The following SAMD12 variants were observed in gnomAD, a reference collection of about 807,000 sequenced individuals.
SAMD12 encodes the protein sterile alpha motif domain-containing protein 12.
In SAMD12, 9 loss-of-function variants were observed where a neutral mutation model predicts 15.0. The ratio of observed to expected loss-of-function variants is 0.60; its 90% CI spans 0.36 to 1.05. The LOEUF is 1.05. SAMD12 is among the 50% of genes least tolerant of loss of function. SAMD12 has a pLI of 0.01. For missense variants in SAMD12, 230 were observed against 234.2 expected (o/e 0.98, Z 0.12); for synonymous variants, 86 against 90.1 (o/e 0.96, Z 0.25).
chr8:118,259,438 G>A (rs928067122), intron 4 of SAMD12, among the ~76,000 whole-genome samples: 1 of 152,118 alleles, frequency 6.6e-6, no homozygotes, highest in African/African-American at 2.4e-5. Flanking sequence ...GGCTAGGGAT[G>A]CTGCAAGACA....
At chr8:118,413,128 G>A (rs113793411) in intron 3 of SAMD12, among the ~76,000 whole-genome samples, 1,601 of 138,946 alleles carry the variant, frequency 0.012, 8 homozygotes, top group Non-Finnish European at 0.017. Flanking sequence ...ACAGCCAGCT[G>A]CCTCACAGAC....
chr8:118,277,301 C>T lies in SAMD12; in HGVS notation c.434-79569G>A, dbSNP rs139158722. On this transcript the variant is annotated intron_variant, in intron 4 of 4. Coordinates refer to the SAMD12 transcript ENST00000409003. Reference sequence around the variant, plus strand: ...TGCTAGTGCCAGTGTTTGTTATCTCCGTGAAGTAGAGATTTATGGATCCTT... The same window carrying T: ...TGCTAGTGCCAGTGTTTGTTATCTCTGTGAAGTAGAGATTTATGGATCCTT... Among the ~76,000 whole-genome samples the T allele has an allele frequency of 3.7e-3, 569 of 152,184 alleles. 6 individuals carry two copies. The highest frequency in any genetic ancestry group is 0.01 in the African/African-American group (428 of 41,538).
chr8:118,560,004 AGTCATTAT>A (rs1201682693), intron 2 of SAMD12, among the ~76,000 whole-genome samples: 3,751 of 152,250 alleles, frequency 0.025, 152 homozygotes, highest in African/African-American at 0.084. Flanking sequence ...GCTTTTTGGG[AGTCATTAT>A]GTATATTTAT....
chr8:118,468,827 A>G (rs1823672699), intron 2 of SAMD12, among the ~76,000 whole-genome samples: 7 of 152,192 alleles, frequency 4.6e-5, no homozygotes. Context: ...GAGGTACAAA[A>G]AGCAATTGCC....
At chr8:118,544,340 T>C (rs970933679) in intron 2 of SAMD12, among the ~76,000 whole-genome samples, 1 of 152,036 alleles carries the variant, frequency 6.6e-6, no homozygotes, top group Non-Finnish European at 1.5e-5. Flanking sequence ...TGTTGAAGGA[T>C]TGAAGGATGC....
At chr8:118,443,697 C>T (rs1224961611) in intron 2 of SAMD12, among the ~76,000 whole-genome samples, 1 of 152,124 alleles carries the variant, frequency 6.6e-6, no homozygotes, top group Non-Finnish European at 1.5e-5. Context: ...ACTCCAGTTA[C>T]CCCAGTCTGC....
Position 118,393,475 on chromosome 8 carries a change from C to T in SAMD12, c.323-13775G>A, listed in dbSNP as rs115793047. ...CGGACTGATCTCAATCACCTGAGCT[C>T]GATCTCCTGGCCCATCCTCTGGCCT... On this transcript the variant is annotated intron_variant, in intron 3 of 3. Transcript: ENST00000314727. Among the ~76,000 whole-genome samples the T allele has an allele frequency of 2.9e-3, 441 of 152,140 alleles. 4 individuals are homozygous for T. Among genetic ancestry groups the T allele is most frequent in the African/African-American group, 0.01 (419 of 41,506 alleles).
Position 118,524,805 on chromosome 8 carries a change from G to A in SAMD12, c.192+55910C>T, listed in dbSNP as rs1825490276. On this transcript the variant is annotated intron_variant, in intron 2 of 3. Coordinates refer to ENST00000314727, the MANE Select transcript of SAMD12 (RefSeq NM_207506.3). Reference sequence around the variant, plus strand: ...TGATCCATCATTGAAAAATGCTACTGTATCTTCAAAACATACCAAGTATCT... The same window carrying A: ...TGATCCATCATTGAAAAATGCTACTATATCTTCAAAACATACCAAGTATCT... Among the ~76,000 whole-genome samples, 3 of 152,050 alleles carry A rather than the reference G, an allele frequency of 2.0e-5. No homozygotes were observed. In the South Asian group the frequency reaches 6.2e-4, roughly 32 times the overall value.
chr8:118,179,457 A>G, the SAMD12 span, among the ~76,000 whole-genome samples: 4 of 151,054 alleles, frequency 2.6e-5, no homozygotes, highest in Non-Finnish European at 4.4e-5. Flanking sequence ...AAAAAAAAAA[A>G]GAATTCTAAA....
intron 4 of SAMD12, among the ~76,000 whole-genome samples, chr8:118,200,262 G>A (rs1819677429): frequency 6.6e-6 from 1 of 152,000 alleles, no homozygotes; most frequent in Non-Finnish European, 1.5e-5. Flanking sequence ...CCAGACTTAG[G>A]TGTGTCCCCC....
chr8:118,242,810 T>C (rs889479243), intron 4 of SAMD12, among the ~76,000 whole-genome samples: 3 of 152,112 alleles, frequency 2.0e-5, no homozygotes, highest in African/African-American at 7.2e-5. Context: ...GAAACTATGC[T>C]CAAAGTCCCT....
intron 2 of SAMD12, among the ~76,000 whole-genome samples, chr8:118,568,942 A>T (rs1324132599): frequency 1.3e-5 from 2 of 152,200 alleles, no homozygotes; most frequent in Admixed American, 1.3e-4. Context: ...AATTTTAAAA[A>T]ATTCTGCTTG....
intron 4 of SAMD12, among the ~76,000 whole-genome samples, chr8:118,330,210 C>T (rs923411603): frequency 6.6e-6 from 1 of 152,158 alleles, no homozygotes; most frequent in Non-Finnish European, 1.5e-5. Flanking sequence ...CAAGATGTAG[C>T]TACGTTGGAT....
At chr8:118,284,178 TGCCCACC>T in intron 4 of SAMD12, 6 of 422,922 alleles carry the variant, frequency 1.4e-5, no homozygotes, top group African/African-American at 6.2e-5. Context: ...GGCCACTTTT[TGCCCACC>T]TTAATGATAA....
Position 118,621,920 on chromosome 8 carries a change from T to C in SAMD12, c.-104A>G. 1 of 1,361,112 alleles carries C rather than the reference T, an allele frequency of 7.3e-7. No individual in the cohort carries two copies. Among genetic ancestry groups the C allele is most frequent in the South Asian group, 1.2e-5 (1 of 85,766 alleles). 84.3% of individuals were successfully genotyped at this position (1,361,112 alleles called of 1,614,324 possible). A position where few individuals can be genotyped will look rare whatever the true frequency, so the allele number is the denominator to read the frequency against. ...CGCTTTCGCCTAAATATTCTGCGCT[T>C]ATCTGCTCCAGGACCAACCTGCCGC... is the stretch of plus-strand genomic sequence containing the variant. On this transcript the variant is annotated 5_prime_UTR_variant, in exon 1 of 4. It adds an upstream start codon to the 5' untranslated region. Coordinates refer to ENST00000314727, the MANE Select transcript of SAMD12 (RefSeq NM_207506.3).
chr8:118,580,953 CAG>C, intron 1 of SAMD12, 60 bp from the exon 2 acceptor site: 1 of 1,344,962 alleles, frequency 7.4e-7, no homozygotes, highest in Non-Finnish European at 1.0e-6. Context: ...GTGTCCATGA[CAG>C]AAAATATTCA....
chr8:118,341,116 C>T (rs77469465), intron 4 of SAMD12, among the ~76,000 whole-genome samples: 2,614 of 152,264 alleles, frequency 0.017, 68 homozygotes, highest in African/African-American at 0.058. Context: ...GGCACCTTAG[C>T]GCTCCTTGAC....
chr8:118,247,854 A>T (rs987945280), intron 4 of SAMD12, among the ~76,000 whole-genome samples: 3 of 152,162 alleles, frequency 2.0e-5, no homozygotes, highest in Non-Finnish European at 4.4e-5. Context: ...TGGCCTCCCA[A>T]AGTGCTGGGA....
At chr8:118,274,077 A>G (rs1813423712) in intron 4 of SAMD12, among the ~76,000 whole-genome samples, 3 of 152,212 alleles carry the variant, frequency 2.0e-5, no homozygotes, top group Admixed American at 1.3e-4. Context: ...CTCCTGTAGT[A>G]TGAGGCAGGT....
Sources: gnomAD v4.1 joint callset for allele counts (sites outside exome capture counted in the v4.1 genomes callset) on GRCh38, gnomAD v4.1.1 for gene constraint, MANE v1.5 for transcripts, NCBI Gene and HGNC (gene_info 2026-07-23, HGNC 2026-07-21) for gene names.